Variants in CACNA2D3 observed in about 807,000 individuals in gnomAD.
CACNA2D3 encodes calcium voltage-gated channel auxiliary subunit alpha2delta 3.
Under a neutral mutation model 160.6 loss-of-function variants are expected in CACNA2D3, and 60 were observed. That is an observed-to-expected ratio of 0.37 (90% CI 0.30 to 0.46). The LOEUF is 0.46. Among genes scored for constraint, CACNA2D3 ranks in the 20% least tolerant of loss-of-function variants. The pLI, the probability that CACNA2D3 is intolerant of heterozygous loss-of-function variation, is 1.00. For missense variants in CACNA2D3, 1,205 were observed against 1,365.0 expected, an observed-to-expected ratio of 0.88 and a Z score of 1.85; for synonymous variants, 558 against 492.9, an observed-to-expected ratio of 1.13 and a Z score of -1.75.
intron 27 of CACNA2D3, among the ~76,000 whole-genome samples, chr3:54,967,383 A>G (rs1404712146): frequency 1.3e-5 from 2 of 151,920 alleles, no homozygotes; most frequent in African/African-American, 4.8e-5. Flanking sequence ...TATTTAAGTG[A>G]TTTTTTTTCT....
chr3:54,745,986 T>A (rs1701746975), intron 11 of CACNA2D3, among the ~76,000 whole-genome samples: 1 of 152,216 alleles, frequency 6.6e-6, no homozygotes, highest in African/African-American at 2.4e-5. Context: ...ATTTATCCCA[T>A]TTTATTGCTG....
At chr3:54,371,903 A>G (rs1204096535) in intron 3 of CACNA2D3, among the ~76,000 whole-genome samples, 1 of 152,228 alleles carries the variant, frequency 6.6e-6, no homozygotes, top group Non-Finnish European at 1.5e-5. Flanking sequence ...GATATGTTTA[A>G]TATTTATTTG....
chr3:54,646,555 T>C (rs1396070901), intron 11 of CACNA2D3, among the ~76,000 whole-genome samples: 1 of 152,020 alleles, frequency 6.6e-6, no homozygotes, highest in African/African-American at 2.4e-5. Flanking sequence ...ACTCTAACCA[T>C]GTCCCTCCAA....
intron 4 of CACNA2D3, among the ~76,000 whole-genome samples, chr3:54,425,759 C>T (rs1342754942): frequency 6.6e-6 from 1 of 152,250 alleles, no homozygotes; most frequent in Non-Finnish European, 1.5e-5. Flanking sequence ...GCACTAGGCC[C>T]TGGGTCAGGC....
chr3:54,858,467 G>A (rs143599707), intron 17 of CACNA2D3, among the ~76,000 whole-genome samples: 60 of 152,298 alleles, frequency 3.9e-4, no homozygotes, highest in African/African-American at 1.4e-3. Context: ...CAGCCTGCTG[G>A]GGGGAGAGAG....
In CACNA2D3 at chr3:55,018,301, T is replaced by C; in HGVS notation, c.2971T>C (p.Cys991Arg). The C allele has an allele frequency of 6.2e-7, 1 of 1,608,810 alleles. No individual in the cohort carries two copies. The highest frequency in any genetic ancestry group is 8.5e-7 in the Non-Finnish European group (1 of 1,175,574). The change falls in exon 35 of 38, where the codon TGT becomes CGT. Residue 991 changes from cysteine to arginine, a missense_variant. Physicochemically the swap from Cys to Arg is radical, Grantham distance 180 (BLOSUM62 -3). Coordinates refer to ENST00000474759, the MANE Select transcript of CACNA2D3 (RefSeq NM_018398.3). ...TIKETTGNIA[C>R]EDCSKSFVIQ... ...CAAGGAGACTACAGGGAATATTGCT[T>C]GTGAAGACTGCTCCAAGTAAGCCAT...
chr3:54,476,804 A>G (rs1459273575), intron 4 of CACNA2D3, among the ~76,000 whole-genome samples: 1 of 152,202 alleles, frequency 6.6e-6, no homozygotes, highest in South Asian at 2.1e-4. Flanking sequence ...TATCTTGGGT[A>G]TTAACCCCTT....
chr3:54,272,480 C>T (rs1354134070), intron 2 of CACNA2D3, among the ~76,000 whole-genome samples: 2 of 152,034 alleles, frequency 1.3e-5, no homozygotes, highest in Non-Finnish European at 2.9e-5. Context: ...TTACTGGCTT[C>T]CTACACTGCT....
intron 4 of CACNA2D3, 28 bp from the exon 5 acceptor site, chr3:54,503,464 T>A: frequency 6.2e-7 from 1 of 1,610,386 alleles, no homozygotes; most frequent in Non-Finnish European, 8.5e-7. Flanking sequence ...CTAAGCCACA[T>A]GTAATGTTTT....
At chr3:54,737,584 A>C (rs1000911265) in intron 11 of CACNA2D3, among the ~76,000 whole-genome samples, 1 of 152,130 alleles carries the variant, frequency 6.6e-6, no homozygotes, top group Non-Finnish European at 1.5e-5. Flanking sequence ...GTGAGATTAC[A>C]AAACAGGGAA....
intron 13 of CACNA2D3, among the ~76,000 whole-genome samples, chr3:54,790,350 T>C (rs1184764904): frequency 6.6e-6 from 1 of 152,192 alleles, no homozygotes; most frequent in Non-Finnish European, 1.5e-5. Flanking sequence ...TGCCTGCTGC[T>C]ATTGCAAAGC....
At position 54,720,763 on chromosome 3, in the gene CACNA2D3, G is replaced by T. The variant is rs35262746; in HGVS notation, c.1168-31836G>T. On this transcript the variant is annotated intron_variant, in intron 11 of 37. Coordinates refer to ENST00000474759, the MANE Select transcript of CACNA2D3 (RefSeq NM_018398.3). Reference sequence around the variant, plus strand: ...CAGCTTTTTGGTGTTATATGTTGTTGTATGTGTTATTATCAGTATACAGAT... The same window carrying T: ...CAGCTTTTTGGTGTTATATGTTGTTTTATGTGTTATTATCAGTATACAGAT... Among the ~76,000 whole-genome samples, 778 of 152,126 alleles carry T rather than the reference G, an allele frequency of 5.1e-3. 3 individuals carry two copies. Among genetic ancestry groups the T allele is most frequent in the Non-Finnish European group, 9.1e-3 (616 of 67,952 alleles).
chr3:54,409,479 T>C (rs1012021461), intron 4 of CACNA2D3, among the ~76,000 whole-genome samples: 3 of 152,192 alleles, frequency 2.0e-5, no homozygotes, highest in African/African-American at 7.2e-5. Flanking sequence ...AACCCTACAG[T>C]GGCCTCTAAG....
rs568062389 is a variant in CACNA2D3 at position 54,826,565 on chromosome 3, G to A, written c.1398+9695G>A. Among the ~76,000 whole-genome samples the A allele has an allele frequency of 3.4e-4, 52 of 152,190 alleles. No homozygotes were observed. The South Asian group carries it at 6.4e-3, about 19-fold the overall frequency. On this transcript the variant is annotated intron_variant, in intron 14 of 37. Coordinates refer to ENST00000474759, the MANE Select transcript of CACNA2D3 (RefSeq NM_018398.3). ...TCATGAGCCCTGTGTGCTTGGATGG[G>A]ACCCATCCATATTTGCCCAGGCCTG...
chr3:54,941,483 C>T (rs17054584), intron 27 of CACNA2D3, among the ~76,000 whole-genome samples: 18,834 of 152,106 alleles, frequency 0.12, 1,211 homozygotes, highest in African/African-American at 0.16. Flanking sequence ...CTGTCGTTTT[C>T]CCCCTCCATT....
chr3:54,272,773 C>T (rs1303247713), intron 2 of CACNA2D3: 1 of 152,158 alleles, frequency 6.6e-6, no homozygotes. Flanking sequence ...CAGGTCTAAC[C>T]CACACTCCTG....
intron 3 of CACNA2D3, among the ~76,000 whole-genome samples, chr3:54,372,719 G>C (rs1457896770): frequency 6.6e-6 from 1 of 152,200 alleles, no homozygotes; most frequent in East Asian, 1.9e-4. Flanking sequence ...AGCTGAGAGA[G>C]TCAAGTGTAT....
chr3:54,210,292 G>A (rs554481638), intron 2 of CACNA2D3, among the ~76,000 whole-genome samples: 1 of 152,082 alleles, frequency 6.6e-6, no homozygotes, highest in Non-Finnish European at 1.5e-5. Flanking sequence ...GGAACAATGA[G>A]GTGACCTTCT....
intron 11 of CACNA2D3, among the ~76,000 whole-genome samples, chr3:54,682,101 T>G (rs1331686808): frequency 6.6e-6 from 1 of 151,886 alleles, no homozygotes; most frequent in African/African-American, 2.4e-5. Flanking sequence ...TTGCAAAGTG[T>G]GATGTTTATA....
Sources: allele counts gnomAD v4.1 joint callset (sites outside exome capture counted in the v4.1 genomes callset), GRCh38; gene constraint gnomAD v4.1.1; transcripts MANE v1.5; gene names NCBI Gene and HGNC (gene_info 2026-07-23, HGNC 2026-07-21).